The following TACR3 variants were observed in gnomAD, a reference collection of about 807,000 sequenced individuals.
TACR3 encodes neuromedin-K receptor.
TACR3 carries 34 observed loss-of-function variants against 35.0 expected under a neutral mutation model. The observed-to-expected ratio is 0.97, with a 90% CI of 0.74 to 1.30. The LOEUF (loss-of-function observed/expected upper bound fraction) is 1.30. TACR3 is among the 50% of genes most tolerant of loss of function. TACR3 has a pLI of 0.00. For synonymous variants in TACR3, 233 were observed against 221.1 expected, an observed-to-expected ratio of 1.05 and a Z score of -0.48; for missense variants, 558 against 591.7, an observed-to-expected ratio of 0.94 and a Z score of 0.59.
intron 1 of TACR3, among the ~76,000 whole-genome samples, chr4:103,698,924 A>G (rs1218137261): frequency 1.3e-5 from 2 of 152,150 alleles, no homozygotes; most frequent in African/African-American, 4.8e-5. Context: ...AAATATGTAT[A>G]ATTATTAGGT....
intron 1 of TACR3, among the ~76,000 whole-genome samples, chr4:103,667,896 T>C (rs1285120208): frequency 6.6e-6 from 1 of 152,166 alleles, no homozygotes; most frequent in Non-Finnish European, 1.5e-5. Flanking sequence ...TGGTGTGATC[T>C]TGGCTCACTG....
At chr4:103,681,543 T>C (rs1235905554) in intron 1 of TACR3, among the ~76,000 whole-genome samples, 1 of 152,122 alleles carries the variant, frequency 6.6e-6, no homozygotes, top group Non-Finnish European at 1.5e-5. Flanking sequence ...TGTTTAATGC[T>C]TAAAGGATCA....
chr4:103,649,052 T>G (rs1725525007), intron 3 of TACR3, among the ~76,000 whole-genome samples: 1 of 152,140 alleles, frequency 6.6e-6, no homozygotes, highest in South Asian at 2.1e-4. Flanking sequence ...GTTGAGCATC[T>G]TTTTTATGCT....
intron 3 of TACR3, among the ~76,000 whole-genome samples, chr4:103,641,137 C>T (rs927599567): frequency 6.6e-6 from 1 of 151,890 alleles, no homozygotes; most frequent in Non-Finnish European, 1.5e-5. Flanking sequence ...CAAGGTCCCT[C>T]AACACGATTT....
intron 3 of TACR3, among the ~76,000 whole-genome samples, chr4:103,634,220 A>G (rs760779695): frequency 1.3e-5 from 2 of 152,148 alleles, no homozygotes; most frequent in African/African-American, 2.4e-5. Flanking sequence ...AGGAACAATG[A>G]TATCAATGGA....
chr4:103,602,907 C>A (rs1724244971), intron 3 of TACR3, among the ~76,000 whole-genome samples: 1 of 152,248 alleles, frequency 6.6e-6, no homozygotes, highest in African/African-American at 2.4e-5. Context: ...CCACTACTCT[C>A]TTCAAAGCTG....
intron 3 of TACR3, among the ~76,000 whole-genome samples, chr4:103,645,640 A>G (rs959896483): frequency 2.0e-5 from 3 of 152,014 alleles, no homozygotes; most frequent in Admixed American, 6.6e-5. Context: ...AAAAAGGAGA[A>G]TCAGACATTA....
rs1161469163 is a variant in TACR3 at position 103,719,871 on chromosome 4, A to G, written c.-196T>C. 4.5e-6 allele frequency: 3 copies of G among 668,616 alleles called. No individual in the cohort carries two copies. The highest frequency in any genetic ancestry group is 2.7e-5 in the East Asian group (1 of 36,468). The allele number at this position is 668,616 out of a possible 1,614,324, so 41.4% of individuals were successfully genotyped here. ...TAAGGGGCAACAGCTGCACTTTCTC[A>G]GAGGCGCTTGCGGCTCTGGCAGGCA... On this transcript the variant is annotated 5_prime_UTR_variant, in exon 1 of 5. Coordinates refer to ENST00000304883, the MANE Select transcript of TACR3 (RefSeq NM_001059.3).
intron 3 of TACR3, among the ~76,000 whole-genome samples, chr4:103,622,652 C>T (rs1209908185): frequency 1.3e-5 from 2 of 152,114 alleles, no homozygotes; most frequent in African/African-American, 2.4e-5. Context: ...TGGCGTGAAC[C>T]CGGGAAGCGG....
Position 103,656,313 on chromosome 4 carries a change from A to T in TACR3, c.769T>A (p.Cys257Ser). Residue 257 changes from cysteine (C) to serine (S), a missense_variant, in exon 3 of 5, where the codon TGT (cysteine) becomes AGT (serine). Cys to Ser is a moderately radical substitution (Grantham distance 112). Transcript: ENST00000304883. ...ATACCCATGATGAGCAATGGGAAAC[A>T]GTACACCAGTATAATGACGATAATA... is the stretch of plus-strand genomic sequence containing the variant. ...YHIIVIILVY[C>S]FPLLIMGITY... 6.2e-7 allele frequency: 1 copy of T among 1,612,824 alleles called. No homozygotes were observed. The highest frequency in any genetic ancestry group is 8.5e-7 in the Non-Finnish European group (1 of 1,179,100).
intron 3 of TACR3, among the ~76,000 whole-genome samples, chr4:103,631,083 A>C (rs1725049747): frequency 6.6e-6 from 1 of 152,136 alleles, no homozygotes; most frequent in African/African-American, 2.4e-5. Context: ...AAGGACCAAA[A>C]ACCAAACACG....
At chr4:103,700,901 A>G (rs550938007) in intron 1 of TACR3, among the ~76,000 whole-genome samples, 50 of 152,280 alleles carry the variant, frequency 3.3e-4, no homozygotes, top group Admixed American at 7.2e-4. Flanking sequence ...ACGTATCTCA[A>G]AATAATAAGA....
intron 1 of TACR3, among the ~76,000 whole-genome samples, chr4:103,665,775 T>C (rs574626763): frequency 2.0e-5 from 3 of 152,328 alleles, no homozygotes; most frequent in African/African-American, 4.8e-5. Context: ...CCATACCCCA[T>C]GATTTTTAAA....
In TACR3 at chr4:103,671,011, A is replaced by C. The variant is rs141433086; in HGVS notation, c.549-12608T>G. 2.6e-5 allele frequency among the ~76,000 whole-genome samples: 4 copies of C among 152,118 alleles called. No individual in the cohort carries two copies. In the East Asian group the frequency reaches 7.7e-4, roughly 29 times the overall value. ...TATATCCAGTTTGATAACAGTTTTT[A>C]ATCATGACATGACATTGAATTTTAC... On this transcript the variant is annotated intron_variant, in intron 1 of 4. Coordinates refer to ENST00000304883, the MANE Select transcript of TACR3 (RefSeq NM_001059.3).
intron 3 of TACR3, among the ~76,000 whole-genome samples, chr4:103,616,297 C>T (rs887535796): frequency 6.8e-5 from 7 of 103,202 alleles, no homozygotes; most frequent in Admixed American, 1.7e-4. Flanking sequence ...AGAGTACATA[C>T]GTGTATGTGT....
chr4:103,657,904 C>T (rs977547263), intron 2 of TACR3, among the ~76,000 whole-genome samples: 4 of 152,158 alleles, frequency 2.6e-5, no homozygotes, highest in African/African-American at 9.7e-5. Context: ...CCTTCTCACT[C>T]ATTTCTCAAT....
intron 3 of TACR3, among the ~76,000 whole-genome samples, chr4:103,645,186 T>A (rs1725432682): frequency 6.6e-6 from 1 of 151,908 alleles, no homozygotes; most frequent in Non-Finnish European, 1.5e-5. Flanking sequence ...AATGTGAAAA[T>A]GTGTACATAT....
chr4:103,626,606 T>C (rs561153035), intron 3 of TACR3, among the ~76,000 whole-genome samples: 31 of 152,278 alleles, frequency 2.0e-4, no homozygotes, highest in Admixed American at 7.8e-4. Context: ...TGCACCTCTC[T>C]AGTAATTATT....
At chr4:103,703,791 T>C (rs994198994) in intron 1 of TACR3, among the ~76,000 whole-genome samples, 18 of 152,026 alleles carry the variant, frequency 1.2e-4, no homozygotes, top group African/African-American at 4.1e-4. Context: ...ATGAAGGAAC[T>C]TTGGGTATTA....
Sources: gnomAD v4.1 joint callset for allele counts (sites outside exome capture counted in the v4.1 genomes callset) on GRCh38, gnomAD v4.1.1 for gene constraint, MANE v1.5 for transcripts, NCBI Gene and HGNC (gene_info 2026-07-23, HGNC 2026-07-21) for gene names.